CYTH4: variants seen among roughly 807,000 people sequenced by gnomAD.
CYTH4 encodes cytohesin 4.
CYTH4 carries 22 observed loss-of-function variants against 57.5 expected under a neutral mutation model. The ratio of observed to expected loss-of-function variants is 0.38; its 90% CI spans 0.27 to 0.55. CYTH4 has a LOEUF of 0.55. Among genes scored for constraint, CYTH4 ranks in the 20% least tolerant of loss-of-function variants. The probability of loss-of-function intolerance (pLI) is 0.74; values close to 1 mark genes in which losing one functional copy is unlikely to be tolerated. For missense variants in CYTH4, 420 were observed against 535.6 expected (o/e 0.78, Z 2.13); for synonymous variants, 186 against 206.5 (o/e 0.90, Z 0.85).
intron 9 of CYTH4, 43 bp downstream of exon 9, chr22:37,309,366 C>A (rs764666438): frequency 1.4e-5 from 22 of 1,542,530 alleles, no homozygotes; most frequent in Non-Finnish European, 2.0e-5. Context: ...CACACTCATG[C>A]ACGCGCGGGC....
chr22:37,308,283 C>T (rs900033113), intron 8 of CYTH4, among the ~76,000 whole-genome samples: 1 of 152,182 alleles, frequency 6.6e-6, no homozygotes, highest in East Asian at 1.9e-4. Context: ...GCCCCAGAGA[C>T]AGAGAGACAG....
chr22:37,308,445 T>C (rs1569111617), intron 8 of CYTH4, among the ~76,000 whole-genome samples: 1 of 150,304 alleles, frequency 6.7e-6, no homozygotes, highest in Admixed American at 6.6e-5. Flanking sequence ...TGCATGTGTG[T>C]GAGTGTGCAT....
Position 37,299,211 on chromosome 22 carries a change from C to T in CYTH4, c.354-15C>T, listed in dbSNP as rs752065401. The T allele has an allele frequency of 1.6e-5, 25 of 1,587,516 alleles. 1 individual carries two copies. Among genetic ancestry groups the T allele is most frequent in the South Asian group, 4.4e-5 (4 of 89,916 alleles). On this transcript the variant is annotated splice_polypyrimidine_tract_variant and intron_variant, in intron 5 of 12. Transcript: ENST00000248901. The stretch of plus-strand genomic sequence containing the variant: ...TCCAAGTGTGTCCCACCCTCCCTTC[C>T]GCCTCCTCCCCCAGGGATCCCATCA...
chr22:37,287,864 G>A (rs1284411279), intron 1 of CYTH4, among the ~76,000 whole-genome samples: 2 of 152,136 alleles, frequency 1.3e-5, no homozygotes, highest in East Asian at 3.8e-4. Context: ...ACAGAGACTG[G>A]CATGGAGTAG....
At position 37,299,278 on chromosome 22, in the gene CYTH4, G is replaced by A. The variant is rs752257583; in HGVS notation, c.406G>A (p.Ala136Thr). Residue 136 changes from alanine to threonine, a missense_variant, in exon 6 of 13, where the codon GCC becomes ACC. Coordinates refer to ENST00000248901, the MANE Select transcript of CYTH4 (RefSeq NM_013385.5). ...GGCCTTCGTGGACTGCCACGAGTTC[G>A]CCAACCTCAACCTCGTCCAGGCCCT... is the stretch of plus-strand genomic sequence containing the variant. Reference protein sequence around the residue: ...LQAFVDCHEFANLNLVQALRQ... With the variant: ...LQAFVDCHEFTNLNLVQALRQ... 1.8e-5 allele frequency: 29 copies of A among 1,613,912 alleles called. No individual in the cohort carries two copies. The highest frequency in any genetic ancestry group is 2.7e-5 in the African/African-American group (2 of 74,890).
At chr22:37,304,370 G>A (rs1929319632) in intron 8 of CYTH4, 1 of 433,198 alleles carries the variant, frequency 2.3e-6, no homozygotes, top group Non-Finnish European at 4.7e-6. Flanking sequence ...GAGTTTGCCT[G>A]TTTCCTATGG....
chr22:37,284,060 C>T (rs915460776), intron 1 of CYTH4, among the ~76,000 whole-genome samples: 5 of 152,164 alleles, frequency 3.3e-5, no homozygotes, highest in South Asian at 4.1e-4. Flanking sequence ...TGAGGTCACA[C>T]GGCCAGTCAG....
At chr22:37,308,722 GTGTA>G (rs1420123341) in intron 8 of CYTH4, among the ~76,000 whole-genome samples, 3 of 151,798 alleles carry the variant, frequency 2.0e-5, no homozygotes, top group Admixed American at 6.6e-5. Flanking sequence ...GTGTGTGTGC[GTGTA>G]TGTATGAGTA....
chr22:37,313,457 C>T lies in CYTH4; in HGVS notation c.1131C>T (p.Val377=). 7.4e-6 allele frequency: 12 copies of T among 1,614,174 alleles called. No homozygotes were observed. The highest frequency in any genetic ancestry group is 1.0e-5 in the Non-Finnish European group (12 of 1,180,004). Residue 377 remains valine, a synonymous_variant, in exon 13 of 13, where the codon GTC becomes GTT. Transcript: ENST00000248901. ...ATTCTAGAGCCAGCATCACCCGTGT[C>T]CCCTTCTACGACCTGGTCTCTACTC... ...IESIRASITR[V]PFYDLVSTRK... is the part of the protein sequence containing the mutation.
intron 7 of CYTH4, among the ~76,000 whole-genome samples, chr22:37,301,520 G>A (rs1929181577): frequency 6.6e-6 from 1 of 151,884 alleles, no homozygotes; most frequent in Non-Finnish European, 1.5e-5. Context: ...CTCTCTCCCA[G>A]GGCTAACCCA....
At chr22:37,297,938 C>A in intron 5 of CYTH4, 1 of 344,088 alleles carries the variant, frequency 2.9e-6, no homozygotes, top group East Asian at 6.0e-5. Context: ...TGGGTGTACA[C>A]CAGTGAATAA....
chr22:37,306,284 A>T (rs1929391830), intron 8 of CYTH4, among the ~76,000 whole-genome samples: 1 of 152,208 alleles, frequency 6.6e-6, no homozygotes, highest in African/African-American at 2.4e-5. Flanking sequence ...AGGCAGAGTA[A>T]CAGTCTCCCA....
chr22:37,289,986 C>T (rs958823088), intron 1 of CYTH4, among the ~76,000 whole-genome samples: 4 of 152,204 alleles, frequency 2.6e-5, no homozygotes, highest in African/African-American at 9.7e-5. Context: ...TATTTAGTCT[C>T]TTCGCTGTGG....
chr22:37,302,854 G>A (rs567945544), intron 7 of CYTH4, among the ~76,000 whole-genome samples: 55 of 152,288 alleles, frequency 3.6e-4, no homozygotes, highest in Non-Finnish European at 6.3e-4. Flanking sequence ...GAACAGTGCC[G>A]CTAACAATGA....
Position 37,313,994 on chromosome 22 carries a change from T to C in CYTH4, c.*483T>C. On this transcript the variant is annotated 3_prime_UTR_variant, in exon 13 of 13. Transcript: ENST00000248901. ...CCCCTCCCCTGTCCTCGGGTTGGGC[T>C]TGGCCCTCTCTGCCTGAGAGAGCTC... 1 of 256,142 alleles carries C rather than the reference T, an allele frequency of 3.9e-6. No individual in the cohort carries two copies. The allele number at this position is 256,142 out of a possible 1,614,324, so 15.9% of individuals were successfully genotyped here.
In CYTH4 at chr22:37,303,475, G is replaced by A. The variant is rs145066880; in HGVS notation, c.696+73G>A. The A allele has an allele frequency of 1.3e-3, 1,915 of 1,518,254 alleles. 2 individuals are homozygous for A. The highest frequency in any genetic ancestry group is 1.5e-3 in the Non-Finnish European group (1,685 of 1,138,508). 94.0% of individuals were successfully genotyped at this position (1,518,254 alleles called of 1,614,324 possible). ...GGACCTGTCCTTAGATGGATGGCCC[G>A]GGAGGGGCTCCTCTGAGATAGACAG... On this transcript the variant is annotated intron_variant, in intron 8 of 12. Coordinates refer to ENST00000248901, the MANE Select transcript of CYTH4 (RefSeq NM_013385.5).
chr22:37,295,868 G>A lies in CYTH4; in HGVS notation c.168-131G>A. On this transcript the variant is annotated intron_variant, in intron 3 of 12. Transcript: ENST00000248901. This position sits in a 1 kb window ranked among gnomAD's most constrained non-coding sequence, Gnocchi z 4.1. ...TCTCTCCCGCCCAGGTGGTTCCCAT[G>A]CAGGACCCGGAGGCCACACTTGGAG... 1.1e-6 allele frequency: 1 copy of A among 912,656 alleles called. No homozygotes were observed. Among genetic ancestry groups the A allele is most frequent in the Non-Finnish European group, 1.7e-6 (1 of 578,282 alleles). The allele number at this position is 912,656 out of a possible 1,614,324, so 56.5% of individuals were successfully genotyped here.
At position 37,300,888 on chromosome 22, in the gene CYTH4, G is replaced by T. The variant is rs1413837293; in HGVS notation, c.435-19G>T. 6.2e-7 allele frequency: 1 copy of T among 1,610,532 alleles called. No individual in the cohort carries two copies. The highest frequency in any genetic ancestry group is 2.2e-5 in the East Asian group (1 of 44,758). ...AGGGCCCACCCACTCCACTGCCCGT[G>T]GCCCCGTTTCTCCCCCAGGCAGTTC... On this transcript the variant is annotated intron_variant, in intron 6 of 12. Coordinates refer to ENST00000248901, the MANE Select transcript of CYTH4 (RefSeq NM_013385.5).
intron 1 of CYTH4, among the ~76,000 whole-genome samples, chr22:37,291,010 A>G (rs1468615078): frequency 6.6e-6 from 1 of 152,106 alleles, no homozygotes; most frequent in Non-Finnish European, 1.5e-5. Context: ...CACATGTGGG[A>G]CTCAGCATAT....
Sources: allele counts gnomAD v4.1 joint callset (sites outside exome capture counted in the v4.1 genomes callset), GRCh38; gene constraint gnomAD v4.1.1; non-coding constraint Gnocchi (gnomAD v3.1); transcripts MANE v1.5; gene names NCBI Gene and HGNC (gene_info 2026-07-23, HGNC 2026-07-21).